Variants in TMTC4 observed in about 807,000 individuals in gnomAD.
TMTC4 encodes the protein transmembrane O-mannosyltransferase targeting cadherins 4, also known as protein O-mannosyl-transferase TMTC4.
TMTC4 carries 65 observed loss-of-function variants against 86.0 expected under a neutral mutation model. The observed-to-expected ratio is 0.76, with a 90% CI of 0.62 to 0.93. The LOEUF (loss-of-function observed/expected upper bound fraction) is 0.93, where lower values mean the gene tolerates loss of function less well. Ranked by LOEUF, TMTC4 falls within the 40% of genes least tolerant of loss-of-function variation. TMTC4 has a pLI of 0.00. For missense variants in TMTC4, 866 were observed against 948.1 expected (o/e 0.91, Z 1.14); for synonymous variants, 379 against 382.5 (o/e 0.99, Z 0.11).
intron 17 of TMTC4, among the ~76,000 whole-genome samples, chr13:100,611,458 G>A (rs1594228494): frequency 6.6e-6 from 1 of 152,118 alleles, no homozygotes; most frequent in East Asian, 1.9e-4. Flanking sequence ...GGTGGCGGGC[G>A]CCTATAGTCC....
intron 6 of TMTC4, among the ~76,000 whole-genome samples, chr13:100,643,950 A>G (rs891406610): frequency 1.3e-5 from 2 of 152,130 alleles, no homozygotes; most frequent in Non-Finnish European, 2.9e-5. Flanking sequence ...GGAAATTAAC[A>G]AGTGTTTGTG....
intron 12 of TMTC4, 95 bp from the exon 13 acceptor site, chr13:100,626,245 C>A: frequency 3.0e-6 from 4 of 1,328,510 alleles, no homozygotes; most frequent in South Asian, 2.4e-5. Context: ...AAAGGTAAAG[C>A]GACGAGGAAA....
chr13:100,641,419 G>C (rs1455687876), intron 7 of TMTC4, among the ~76,000 whole-genome samples: 2 of 152,182 alleles, frequency 1.3e-5, no homozygotes, highest in African/African-American at 4.8e-5. Context: ...AAGAGAGACA[G>C]AATGTGTGTG....
chr13:100,668,876 G>A (rs1694843545), intron 2 of TMTC4, 82 bp from the exon 3 acceptor site: 4 of 1,338,304 alleles, frequency 3.0e-6, no homozygotes, highest in Middle Eastern at 2.2e-4. Context: ...GTAAGAGCTA[G>A]ATAGTCATTT....
At chr13:100,646,048 T>G (rs1405668153) in intron 6 of TMTC4, among the ~76,000 whole-genome samples, 1 of 152,108 alleles carries the variant, frequency 6.6e-6, no homozygotes, top group Non-Finnish European at 1.5e-5. Flanking sequence ...CTCACGGGTG[T>G]GTGGTCCATG....
chr13:100,619,829 C>T (rs1879209985), intron 15 of TMTC4, among the ~76,000 whole-genome samples: 1 of 152,190 alleles, frequency 6.6e-6, no homozygotes. Flanking sequence ...GATCAATTCA[C>T]TCCACCAAGT....
At chr13:100,606,467 A>C in intron 17 of TMTC4, 40 bp from the exon 18 acceptor site, 1 of 1,553,674 alleles carries the variant, frequency 6.4e-7, no homozygotes, top group Non-Finnish European at 8.8e-7. Flanking sequence ...TATTTATTGT[A>C]CATGAAGCAA....
At chr13:100,646,905 A>G (rs772102313) in intron 6 of TMTC4, among the ~76,000 whole-genome samples, 11 of 152,346 alleles carry the variant, frequency 7.2e-5, no homozygotes, top group Middle Eastern at 3.4e-3. Flanking sequence ...TCATCAGCAG[A>G]TAAGTATTGG....
chr13:100,646,958 T>A (rs1883835323), intron 6 of TMTC4, among the ~76,000 whole-genome samples: 1 of 152,192 alleles, frequency 6.6e-6, no homozygotes, highest in African/African-American at 2.4e-5. Flanking sequence ...GAAATAACCC[T>A]AAACTAACAG....
chr13:100,638,274 T>C (rs1882549842), intron 7 of TMTC4: 1 of 374,376 alleles, frequency 2.7e-6, no homozygotes, highest in Non-Finnish European at 4.8e-6. Context: ...GTGTAGGAGT[T>C]CTACAAGATT....
Position 100,604,084 on chromosome 13 carries a change from T to C in TMTC4, c.*910A>G, listed in dbSNP as rs997046464. On this transcript the variant is annotated 3_prime_UTR_variant, in exon 19 of 19. Coordinates refer to ENST00000342624, the MANE Select transcript of TMTC4 (RefSeq NM_032813.5). The stretch of plus-strand genomic sequence containing the variant: ...ACTCAATTCTTAAAAATACCACGAA[T>C]TCCCCGAATGTGGCTCCATTTGATA... The C allele has an allele frequency of 9.2e-5, 14 of 152,618 alleles. No homozygotes were observed. The highest frequency in any genetic ancestry group is 1.2e-4 in the Non-Finnish European group (8 of 68,040). The allele number at this position is 152,618 out of a possible 1,614,324, so 9.5% of individuals were successfully genotyped here.
Position 100,642,322 on chromosome 13 carries a change from A to C in TMTC4, c.641-11T>G, listed in dbSNP as rs1196861530. ...CTCCCTCCTTGTTACCTGCCAATTA[A>C]GAGAAATGATCAGTGCAAAAGTCAT... On this transcript the variant is annotated splice_polypyrimidine_tract_variant and intron_variant, in intron 6 of 18. Coordinates refer to ENST00000342624, the MANE Select transcript of TMTC4 (RefSeq NM_032813.5). 1 of 1,614,196 alleles carries C rather than the reference A, an allele frequency of 6.2e-7. No individual in the cohort carries two copies. Among genetic ancestry groups the C allele is most frequent in the Admixed American group, 1.7e-5 (1 of 60,026 alleles).
At chr13:100,654,655 A>G (rs1884855237) in intron 6 of TMTC4, among the ~76,000 whole-genome samples, 1 of 152,140 alleles carries the variant, frequency 6.6e-6, no homozygotes, top group Non-Finnish European at 1.5e-5. Context: ...GTTCCAGAAA[A>G]AGAATATAAA....
At chr13:100,644,963 C>T (rs1053629678) in intron 6 of TMTC4, among the ~76,000 whole-genome samples, 65 of 152,066 alleles carry the variant, frequency 4.3e-4, no homozygotes, top group African/African-American at 1.2e-3. Flanking sequence ...TACAGATGCA[C>T]GCTACCACGC....
At chr13:100,657,830 T>C (rs1400132273) in intron 5 of TMTC4, among the ~76,000 whole-genome samples, 1 of 152,218 alleles carries the variant, frequency 6.6e-6, no homozygotes, top group Non-Finnish European at 1.5e-5. Flanking sequence ...GGATGTCTTT[T>C]AGGAGCAGAT....
rs987996859 is a variant in TMTC4 at position 100,619,243 on chromosome 13, T to C, written c.1837-4813A>G. Among the ~76,000 whole-genome samples, 3 of 150,956 alleles carry C rather than the reference T, an allele frequency of 2.0e-5. No homozygotes were observed. In the South Asian group the frequency reaches 6.4e-4, roughly 32 times the overall value. On this transcript the variant is annotated intron_variant, in intron 15 of 18. Transcript: ENST00000342624. ...GCTCCTCACTTCCCAGTAGGGGCGG[T>C]TGTTGCTTCTTTTGAGAGGGAATGT...
Position 100,642,238 on chromosome 13 carries a change from C to G in TMTC4, c.714G>C (p.Leu238=), listed in dbSNP as rs762175307. The G allele has an allele frequency of 6.2e-7, 1 of 1,614,108 alleles. No individual in the cohort carries two copies. The highest frequency in any genetic ancestry group is 1.3e-5 in the African/African-American group (1 of 74,928). ...LSIFLGAVAM[L]CKEQGITVLG... The stretch of plus-strand genomic sequence containing the variant: ...GCACAGTGATCCCTTGCTCTTTGCA[C>G]AGCATGGCCACTGCTCCCAGAAAGA... Residue 238 remains leucine, a synonymous_variant, in exon 7 of 19, where the codon CTG becomes CTC. Transcript: ENST00000342624.
At chr13:100,641,203 A>G (rs918549269) in intron 7 of TMTC4, among the ~76,000 whole-genome samples, 7 of 152,224 alleles carry the variant, frequency 4.6e-5, no homozygotes, top group Admixed American at 4.6e-4. Context: ...CTGGCATAAA[A>G]AGAGTTCTCT....
intron 3 of TMTC4, among the ~76,000 whole-genome samples, chr13:100,666,932 G>A (rs892901988): frequency 6.6e-6 from 1 of 152,238 alleles, no homozygotes; most frequent in Non-Finnish European, 1.5e-5. Flanking sequence ...GGAGGCTGCA[G>A]TGAACTATGA....
Sources: gnomAD v4.1 joint callset for allele counts (sites outside exome capture counted in the v4.1 genomes callset) on GRCh38, gnomAD v4.1.1 for gene constraint, MANE v1.5 for transcripts, NCBI Gene and HGNC (gene_info 2026-07-23, HGNC 2026-07-21) for gene names.